PPP1R3B: variants seen among roughly 807,000 people sequenced by gnomAD.
The protein encoded by PPP1R3B is PP1 subunit R4.
PPP1R3B carries 8 observed loss-of-function variants against 14.6 expected under a neutral mutation model. That is an observed-to-expected ratio of 0.55 (90% CI 0.32 to 0.99). PPP1R3B has a LOEUF of 0.99. Ranked by LOEUF, PPP1R3B falls within the 50% of genes least tolerant of loss-of-function variation. PPP1R3B has a pLI of 0.04. For missense variants in PPP1R3B, 452 were observed against 360.1 expected (o/e 1.26, Z -2.07); for synonymous variants, 169 against 142.0 (o/e 1.19, Z -1.35).
intron 1 of PPP1R3B, among the ~76,000 whole-genome samples, chr8:9,146,662 T>G (rs1308604190): frequency 6.6e-6 from 1 of 152,180 alleles, no homozygotes; most frequent in African/African-American, 2.4e-5. Flanking sequence ...TGCAGGTGCT[T>G]AAACATTCAT....
At chr8:9,145,200 G>A (rs1411398409) in intron 1 of PPP1R3B, 1 of 152,066 alleles carries the variant, frequency 6.6e-6, no homozygotes, top group African/African-American at 2.4e-5. Context: ...AACTAGACTT[G>A]TGGGGAAAAA....
Position 9,136,273 on chromosome 8 carries a change from T to C in PPP1R3B, c.*4521A>G, listed in dbSNP as rs1800886422. 1 of 152,244 alleles carries C rather than the reference T, an allele frequency of 6.6e-6. No homozygotes were observed. The highest frequency in any genetic ancestry group is 2.4e-5 in the African/African-American group (1 of 41,464). The allele number at this position is 152,244 out of a possible 1,614,324, so 9.4% of individuals were successfully genotyped here. On this transcript the variant is annotated 3_prime_UTR_variant, in exon 2 of 2. Coordinates refer to ENST00000310455, the MANE Select transcript of PPP1R3B (RefSeq NM_024607.4). ...CTTTCAGTTTTGTTTTGTCTTCCTT[T>C]ATTACATTTTTGCTTTTGAGATACA...
At chr8:9,143,594 C>G (rs1801153550) in intron 1 of PPP1R3B, among the ~76,000 whole-genome samples, 1 of 152,130 alleles carries the variant, frequency 6.6e-6, no homozygotes, top group South Asian at 2.1e-4. Flanking sequence ...CCCAGCTGCT[C>G]TGTAGGCTGA....
At chr8:9,147,171 T>C (rs963560628) in intron 1 of PPP1R3B, among the ~76,000 whole-genome samples, 7 of 152,180 alleles carry the variant, frequency 4.6e-5, no homozygotes, top group African/African-American at 1.4e-4. Flanking sequence ...CACCCCCAGC[T>C]AATTTTTGTA....
Position 9,141,255 on chromosome 8 carries a change from C to A in PPP1R3B, c.397G>T (p.Val133Phe). 1 of 1,614,196 alleles carries A rather than the reference C, an allele frequency of 6.2e-7. No individual in the cohort carries two copies. Among genetic ancestry groups the A allele is most frequent in the Non-Finnish European group, 8.5e-7 (1 of 1,180,036 alleles). Residue 133 changes from valine to phenylalanine, a missense_variant, in exon 2 of 2, where the codon GTC becomes TTC. Coordinates refer to ENST00000310455, the MANE Select transcript of PPP1R3B (RefSeq NM_024607.4). ...TTGAGCACACAGTTCTCAAGGCAGACGTGGTCGGCCTGAAGTCGATTTCTA... is the reference window on the plus strand; with the variant it reads ...TTGAGCACACAGTTCTCAAGGCAGAAGTGGTCGGCCTGAAGTCGATTTCTA... ...DFRNRLQADH[V>F]CLENCVLKDK... is the part of the protein sequence containing the mutation.
At position 9,141,067 on chromosome 8, in the gene PPP1R3B, G is replaced by A. The variant is rs776725058; in HGVS notation, c.585C>T (p.Asp195=). 4 of 1,614,098 alleles carry A rather than the reference G, an allele frequency of 2.5e-6. No homozygotes were observed. Among genetic ancestry groups the A allele is most frequent in the Non-Finnish European group, 3.4e-6 (4 of 1,180,052 alleles). Reference sequence around the variant, plus strand: ...ACTGAATCTTCTCGGGCAAGCTGATGTCGAAGGAGAACGTGTCCCTGTCTG... The same window carrying A: ...ACTGAATCTTCTCGGGCAAGCTGATATCGAAGGAGAACGTGTCCCTGTCTG... ...AGSDRDTFSF[D]ISLPEKIQSY... The change falls in exon 2 of 2, where the codon GAC becomes GAT. Residue 195 remains aspartate, a synonymous_variant. Coordinates refer to ENST00000310455, the MANE Select transcript of PPP1R3B (RefSeq NM_024607.4).
chr8:9,136,357 C>T lies in PPP1R3B; in HGVS notation c.*4437G>A, dbSNP rs890087427. ...TTCTTGGGATTTTTAAAGTGCATTT[C>T]CCCTTGAACTCTGTGTACAAAAATA... On this transcript the variant is annotated 3_prime_UTR_variant, in exon 2 of 2. Coordinates refer to ENST00000310455, the MANE Select transcript of PPP1R3B (RefSeq NM_024607.4). 6.6e-6 allele frequency: 1 copy of T among 152,200 alleles called. No homozygotes were observed. The highest frequency in any genetic ancestry group is 6.5e-5 in the Admixed American group (1 of 15,278). 9.4% of individuals were successfully genotyped at this position (152,200 alleles called of 1,614,324 possible).
At position 9,138,318 on chromosome 8, in the gene PPP1R3B, C is replaced by T. The variant is rs1800959854; in HGVS notation, c.*2476G>A. 6.6e-6 allele frequency: 1 copy of T among 152,062 alleles called. No individual in the cohort carries two copies. The highest frequency in any genetic ancestry group is 1.5e-5 in the Non-Finnish European group (1 of 68,014). 9.4% of individuals were successfully genotyped at this position (152,062 alleles called of 1,614,324 possible). On this transcript the variant is annotated 3_prime_UTR_variant, in exon 2 of 2. Coordinates refer to ENST00000310455, the MANE Select transcript of PPP1R3B (RefSeq NM_024607.4). ...CAGCATAAGGTAAAAATGTGATTTCCCCTAAAATTATAACATCATGTCATC... is the reference window on the plus strand; with the variant it reads ...CAGCATAAGGTAAAAATGTGATTTCTCCTAAAATTATAACATCATGTCATC...
intron 1 of PPP1R3B, among the ~76,000 whole-genome samples, chr8:9,142,120 T>A (rs958477406): frequency 6.6e-6 from 1 of 152,198 alleles, no homozygotes; most frequent in Non-Finnish European, 1.5e-5. Flanking sequence ...TTTTTAGAGA[T>A]AGGGTGTTGC....
At chr8:9,147,773 A>G (rs1801284138) in intron 1 of PPP1R3B, among the ~76,000 whole-genome samples, 1 of 132,638 alleles carries the variant, frequency 7.5e-6, no homozygotes, top group South Asian at 3.3e-4. Context: ...GGCTCTAGTC[A>G]GAGCCAGAGC....
intron 1 of PPP1R3B, among the ~76,000 whole-genome samples, chr8:9,148,712 G>C (rs1473067621): frequency 6.6e-6 from 1 of 151,574 alleles, no homozygotes; most frequent in African/African-American, 2.4e-5. Context: ...GCCAAGGTTA[G>C]ACGGCCATGG....
intron 1 of PPP1R3B, among the ~76,000 whole-genome samples, chr8:9,144,303 T>G (rs1287943425): frequency 6.6e-6 from 1 of 151,404 alleles, no homozygotes; most frequent in Non-Finnish European, 1.5e-5. Context: ...TCCTCCCACC[T>G]CAGCCTCCCG....
At position 9,141,344 on chromosome 8, in the gene PPP1R3B, G is replaced by C; in HGVS notation, c.308C>G (p.Thr103Arg). Residue 103 changes from threonine (T) to arginine (R), a missense_variant, in exon 2 of 2, where the codon ACG becomes AGG. Transcript: ENST00000310455. ...TELLDNIVSL[T>R]TAESESFVLD... ...AACAAAGCTCTCGCTCTCTGCTGTC[G>C]TCAAGCTCACAATGTTGTCTAGGAG... 1 of 1,614,182 alleles carries C rather than the reference G, an allele frequency of 6.2e-7. No individual in the cohort carries two copies. The highest frequency in any genetic ancestry group is 8.5e-7 in the Non-Finnish European group (1 of 1,180,028).
rs1371015952 is a variant in PPP1R3B at position 9,139,305 on chromosome 8, C to G, written c.*1489G>C. On this transcript the variant is annotated 3_prime_UTR_variant, in exon 2 of 2. Transcript: ENST00000310455. ...TGAATCTCTGAAATTTCAGAGTTGG[C>G]AAACGTTTAAAATAACGTATAAGAA... The G allele has an allele frequency of 6.6e-6, 1 of 152,152 alleles. No individual in the cohort carries two copies. Among genetic ancestry groups the G allele is most frequent in the African/African-American group, 2.4e-5 (1 of 41,424 alleles). The allele number at this position is 152,152 out of a possible 1,614,324, so 9.4% of individuals were successfully genotyped here. A position where few individuals can be genotyped will look rare whatever the true frequency, so the allele number is the denominator to read the frequency against.
At position 9,136,801 on chromosome 8, in the gene PPP1R3B, G is replaced by A. The variant is rs1800904919; in HGVS notation, c.*3993C>T. ...GACTCTCCCAGGACTACATTCAGGT[G>A]AGAAATTTTAGAAGAGGAAACAAAT... On this transcript the variant is annotated 3_prime_UTR_variant, in exon 2 of 2. Coordinates refer to ENST00000310455, the MANE Select transcript of PPP1R3B (RefSeq NM_024607.4). 1 of 152,216 alleles carries A rather than the reference G, an allele frequency of 6.6e-6. No homozygotes were observed. The highest frequency in any genetic ancestry group is 2.1e-4 in the South Asian group (1 of 4,832). 9.4% of individuals were successfully genotyped at this position (152,216 alleles called of 1,614,324 possible). A position where few individuals can be genotyped will look rare whatever the true frequency, so the allele number is the denominator to read the frequency against.
At position 9,136,501 on chromosome 8, in the gene PPP1R3B, T is replaced by C. The variant is rs1357270779; in HGVS notation, c.*4293A>G. 1 of 152,192 alleles carries C rather than the reference T, an allele frequency of 6.6e-6. No homozygotes were observed. Among genetic ancestry groups the C allele is most frequent in the Admixed American group, 6.5e-5 (1 of 15,282 alleles). The allele number at this position is 152,192 out of a possible 1,614,324, so 9.4% of individuals were successfully genotyped here. A position where few individuals can be genotyped will look rare whatever the true frequency, so the allele number is the denominator to read the frequency against. On this transcript the variant is annotated 3_prime_UTR_variant, in exon 2 of 2. Transcript: ENST00000310455. Reference sequence around the variant, plus strand: ...TAGTGAAACATCATCACAGCTGCACTCTCAAAGCCCTCAGAGGTCCAGCAG... The same window carrying C: ...TAGTGAAACATCATCACAGCTGCACCCTCAAAGCCCTCAGAGGTCCAGCAG...
chr8:9,138,717 A>G lies in PPP1R3B; in HGVS notation c.*2077T>C, dbSNP rs1800973366. ...CACTCCTCTTCTTGCTTGCCTTAGG[A>G]AAACTTCACTTTAGTAAGATAAGGC... On this transcript the variant is annotated 3_prime_UTR_variant, in exon 2 of 2. Transcript: ENST00000310455. The G allele has an allele frequency of 6.6e-6, 1 of 152,254 alleles. No homozygotes were observed. The highest frequency in any genetic ancestry group is 1.9e-4 in the East Asian group (1 of 5,200). The allele number at this position is 152,254 out of a possible 1,614,324, so 9.4% of individuals were successfully genotyped here.
Position 9,141,202 on chromosome 8 carries a change from C to A in PPP1R3B, c.450G>T (p.Lys150Asn). 1.2e-6 allele frequency: 2 copies of A among 1,614,214 alleles called. No individual in the cohort carries two copies. The highest frequency in any genetic ancestry group is 8.5e-7 in the Non-Finnish European group (1 of 1,180,040). The change falls in exon 2 of 2, where the codon AAG becomes AAT. Residue 150 changes from lysine (K) to asparagine (N), a missense_variant. Transcript: ENST00000310455. ...LKDKAIAGTV[K>N]VQNLAFEKTV... is the part of the protein sequence containing the mutation. ...TCTTCTCAAATGCGAGGTTCTGAAC[C>A]TTCACAGTGCCTGCAATGGCCTTGT...
rs1228078234 is a variant in PPP1R3B, at chr8:9,136,778, C to T, written c.*4016G>A. On this transcript the variant is annotated 3_prime_UTR_variant, in exon 2 of 2. Transcript: ENST00000310455. ...CATGTCAGGAGAGACGTGATCGGGA[C>T]TCTCCCAGGACTACATTCAGGTGAG... The T allele has an allele frequency of 6.6e-6, 1 of 152,190 alleles. No homozygotes were observed. The allele number at this position is 152,190 out of a possible 1,614,324, so 9.4% of individuals were successfully genotyped here.
Sources: gnomAD v4.1 joint callset for allele counts (sites outside exome capture counted in the v4.1 genomes callset) on GRCh38, gnomAD v4.1.1 for gene constraint, MANE v1.5 for transcripts, NCBI Gene and HGNC (gene_info 2026-07-23, HGNC 2026-07-21) for gene names.